CRACR2A: variants seen among roughly 807,000 people sequenced by gnomAD.
The protein encoded by CRACR2A is calcium release activated channel regulator 2A.
Under a neutral mutation model 90.5 loss-of-function variants are expected in CRACR2A, and 79 were observed. The ratio of observed to expected loss-of-function variants is 0.87; its 90% CI spans 0.73 to 1.05. CRACR2A has a LOEUF of 1.05. Among genes scored for constraint, CRACR2A ranks in the 50% least tolerant of loss-of-function variants. The probability of loss-of-function intolerance (pLI) is 0.00; values close to 1 mark genes in which losing one functional copy is unlikely to be tolerated. For synonymous variants in CRACR2A, 338 were observed against 356.7 expected (o/e 0.95, Z 0.59); for missense variants, 823 against 897.2 (o/e 0.92, Z 1.06).
At chr12:3,720,831 T>C (rs1946158760) in intron 2 of CRACR2A, among the ~76,000 whole-genome samples, 1 of 152,224 alleles carries the variant, frequency 6.6e-6, no homozygotes, top group Non-Finnish European at 1.5e-5. Context: ...AACGCCAACA[T>C]TATTTTTGAT....
rs1565486737 is a variant in CRACR2A, at chr12:3,679,122, TC to T, written c.341-25del. The T allele has an allele frequency of 1.9e-6, 3 of 1,600,590 alleles. No homozygotes were observed. In the South Asian group the frequency reaches 3.4e-5, roughly 18 times the overall value. On this transcript the variant is annotated intron_variant, in intron 5 of 19. Transcript: ENST00000440314. ...ACCTGGGGGGTGCAGGGCACAAGGA[TC>T]CGAATTAGACCATACCCATCCAGGA...
At chr12:3,637,298 A>G (rs1944471777) in intron 14 of CRACR2A, among the ~76,000 whole-genome samples, 1 of 152,222 alleles carries the variant, frequency 6.6e-6, no homozygotes, top group African/African-American at 2.4e-5. Flanking sequence ...GCAACTTTAA[A>G]AGTGTAGGAA....
At chr12:3,618,653 C>T (rs1260894828) in intron 18 of CRACR2A, among the ~76,000 whole-genome samples, 6 of 152,144 alleles carry the variant, frequency 3.9e-5, no homozygotes, top group African/African-American at 1.4e-4. Flanking sequence ...GTAAGCACCC[C>T]AACCTCCCAG....
intron 6 of CRACR2A, among the ~76,000 whole-genome samples, chr12:3,675,656 C>G (rs944056562): frequency 1.3e-5 from 2 of 152,122 alleles, no homozygotes; most frequent in Admixed American, 1.3e-4. Context: ...ACTTCCTTTC[C>G]CTGTCCCACT....
intron 3 of CRACR2A, among the ~76,000 whole-genome samples, chr12:3,708,738 T>G (rs1945968923): frequency 6.6e-6 from 1 of 152,172 alleles, no homozygotes; most frequent in Middle Eastern, 3.2e-3. Context: ...ATTTTCTTAA[T>G]AAATCACCTG....
intron 2 of CRACR2A, among the ~76,000 whole-genome samples, chr12:3,716,319 C>G (rs1289698097): frequency 1.3e-5 from 2 of 152,166 alleles, no homozygotes; most frequent in African/African-American, 4.8e-5. Context: ...GTTTCATCCC[C>G]TGTTACAGTT....
chr12:3,745,367 C>T (rs1946595007), intron 1 of CRACR2A, among the ~76,000 whole-genome samples: 1 of 150,964 alleles, frequency 6.6e-6, no homozygotes, highest in South Asian at 2.1e-4. Context: ...AACTCCTCCT[C>T]CCTCAATCCC....
intron 13 of CRACR2A, among the ~76,000 whole-genome samples, chr12:3,639,009 A>AT (rs1295600933): frequency 6.6e-6 from 1 of 151,666 alleles, no homozygotes; most frequent in Non-Finnish European, 1.5e-5. Context: ...CATCTGCTCT[A>AT]TTCCCAAATA....
At chr12:3,688,222 G>A (rs912745508) in intron 4 of CRACR2A, among the ~76,000 whole-genome samples, 52 of 152,252 alleles carry the variant, frequency 3.4e-4, no homozygotes, top group African/African-American at 1.2e-3. Flanking sequence ...TTTTGCTTTT[G>A]TTACAATTGC....
At chr12:3,670,077 A>T (rs1945213628) in intron 7 of CRACR2A, among the ~76,000 whole-genome samples, 1 of 151,912 alleles carries the variant, frequency 6.6e-6, no homozygotes, top group Admixed American at 6.6e-5. Context: ...GTGATCATGA[A>T]CTCCTCAAGG....
intron 1 of CRACR2A, among the ~76,000 whole-genome samples, chr12:3,745,825 T>TGAAATGAAATGAAATG (rs1555123104): frequency 1.0e-5 from 1 of 100,486 alleles, no homozygotes; most frequent in Admixed American, 1.1e-4. Flanking sequence ...TAAAATAAAA[T>TGAAATGAAATGAAATG]AAAGAAAGAA....
At chr12:3,738,250 A>T (rs1031114769) in intron 1 of CRACR2A, among the ~76,000 whole-genome samples, 10 of 151,970 alleles carry the variant, frequency 6.6e-5, no homozygotes, top group South Asian at 4.1e-4. Context: ...TCTTATATAA[A>T]TTTTTTTTTA....
chr12:3,715,400 A>C (rs867705526), intron 2 of CRACR2A, among the ~76,000 whole-genome samples: 2 of 152,230 alleles, frequency 1.3e-5, no homozygotes, highest in African/African-American at 4.8e-5. Context: ...CTGAGATTAC[A>C]AGAGACCAAC....
intron 7 of CRACR2A, among the ~76,000 whole-genome samples, chr12:3,668,502 G>C (rs1396314200): frequency 6.6e-6 from 1 of 152,150 alleles, no homozygotes; most frequent in African/African-American, 2.4e-5. Flanking sequence ...CTATGCAGCT[G>C]AGGCCTTCCC....
intron 7 of CRACR2A, among the ~76,000 whole-genome samples, chr12:3,668,667 C>A (rs1945188925): frequency 6.6e-6 from 1 of 152,170 alleles, no homozygotes; most frequent in Non-Finnish European, 1.5e-5. Context: ...GGCTCCACAA[C>A]ACAGGCTGCC....
chr12:3,623,443 A>C lies in CRACR2A; in HGVS notation c.1932+3993T>G, dbSNP rs372604802. On this transcript the variant is annotated intron_variant, in intron 17 of 19. Coordinates refer to ENST00000440314, the MANE Select transcript of CRACR2A (RefSeq NM_001144958.2). ...GGACTGCAGACACTGGGGGCCAGCAATCCGGCTCTGGGGGAAATACCAGCC... is the reference window on the plus strand; with the variant it reads ...GGACTGCAGACACTGGGGGCCAGCACTCCGGCTCTGGGGGAAATACCAGCC... Among the ~76,000 whole-genome samples the C allele has an allele frequency of 2.7e-4, 41 of 152,272 alleles. 2 individuals are homozygous for C. The highest frequency in any genetic ancestry group is 9.4e-4 in the African/African-American group (39 of 41,554).
At chr12:3,671,332 G>A (rs1945238676) in intron 7 of CRACR2A, among the ~76,000 whole-genome samples, 2 of 152,160 alleles carry the variant, frequency 1.3e-5, no homozygotes. Context: ...GGTCAGAGAG[G>A]AGAAAGGGTG....
intron 7 of CRACR2A, among the ~76,000 whole-genome samples, chr12:3,666,402 C>T (rs1945152596): frequency 6.6e-6 from 1 of 151,602 alleles, no homozygotes; most frequent in Non-Finnish European, 1.5e-5. Context: ...CTCATGTGTA[C>T]ATCTGGTGCT....
At chr12:3,740,318 C>A (rs12370980) in intron 1 of CRACR2A, among the ~76,000 whole-genome samples, 24 of 151,658 alleles carry the variant, frequency 1.6e-4, no homozygotes, top group African/African-American at 5.8e-4. Context: ...AGGGTCTCTG[C>A]CCAATTTTTA....
Sources: gnomAD v4.1 joint callset for allele counts (sites outside exome capture counted in the v4.1 genomes callset) on GRCh38, gnomAD v4.1.1 for gene constraint, MANE v1.5 for transcripts, NCBI Gene and HGNC (gene_info 2026-07-23, HGNC 2026-07-21) for gene names.